The following ST6GALNAC3 variants were observed in gnomAD, a reference collection of about 807,000 sequenced individuals.
The protein encoded by ST6GALNAC3 is ST6 N-acetylgalactosaminide alpha-2,6-sialyltransferase 3.
A neutral mutation model predicts 32.7 loss-of-function variants in ST6GALNAC3; 25 were observed. The ratio of observed to expected loss-of-function variants is 0.76; its 90% CI spans 0.56 to 1.07. The LOEUF (loss-of-function observed/expected upper bound fraction) is 1.07, where lower values mean the gene tolerates loss of function less well. Ranked by LOEUF, ST6GALNAC3 falls within the 50% of genes least tolerant of loss-of-function variation. The pLI is 0.00. For synonymous variants in ST6GALNAC3, 129 were observed against 133.1 expected (o/e 0.97, Z 0.21); for missense variants, 355 against 382.4 (o/e 0.93, Z 0.60).
At chr1:76,518,380 TGAG>T (rs1662301586) in intron 3 of ST6GALNAC3, among the ~76,000 whole-genome samples, 1 of 152,124 alleles carries the variant, frequency 6.6e-6, no homozygotes, top group African/African-American at 2.4e-5. Context: ...CTATTTTTAA[TGAG>T]GAGTTTTACT....
At position 76,416,310 on chromosome 1, in the gene ST6GALNAC3, A is replaced by G. The variant is rs183754716; in HGVS notation, c.623+3893A>G. Among the ~76,000 whole-genome samples the G allele has an allele frequency of 1.2e-4, 19 of 152,236 alleles. 1 individual carries two copies. The highest frequency in any genetic ancestry group is 2.5e-4 in the Non-Finnish European group (17 of 67,998). On this transcript the variant is annotated intron_variant, in intron 3 of 4. Coordinates refer to ENST00000328299, the MANE Select transcript of ST6GALNAC3 (RefSeq NM_152996.4). The stretch of plus-strand genomic sequence containing the variant: ...AGGAAATAGAGAATAAGGGGTGTCC[A>G]TTTAATTTTGCTTTAACTGTAAAGC...
Position 76,539,588 on chromosome 1 carries a change from C to G in ST6GALNAC3, c.624-87864C>G, listed in dbSNP as rs188881136. On this transcript the variant is annotated intron_variant, in intron 3 of 4. Transcript: ENST00000328299. ...GTCAGCGTGAACAGGCAACCTGCAC[C>G]ATGGGAGAAAATTTTTGCAGTCTAC... Among the ~76,000 whole-genome samples the G allele has an allele frequency of 4.9e-4, 75 of 151,908 alleles. No individual in the cohort carries two copies. In the Middle Eastern group the frequency reaches 0.014, roughly 28 times the overall value.
At chr1:76,338,220 T>C (rs1009785694) in intron 2 of ST6GALNAC3, among the ~76,000 whole-genome samples, 2 of 152,228 alleles carry the variant, frequency 1.3e-5, no homozygotes, top group African/African-American at 4.8e-5. Flanking sequence ...AGGAGGTTTT[T>C]GCTGATAAAT....
intron 3 of ST6GALNAC3, among the ~76,000 whole-genome samples, chr1:76,621,507 G>C (rs1356860758): frequency 6.6e-6 from 1 of 152,048 alleles, no homozygotes; most frequent in East Asian, 1.9e-4. Flanking sequence ...TTGATAGATA[G>C]TACAAATAAA....
chr1:76,573,346 C>T (rs919959210), intron 3 of ST6GALNAC3, among the ~76,000 whole-genome samples: 1 of 152,126 alleles, frequency 6.6e-6, no homozygotes, highest in African/African-American at 2.4e-5. Context: ...CCTCCTTCCA[C>T]GTAACAAATC....
chr1:76,371,201 A>G (rs1324879734), intron 2 of ST6GALNAC3, among the ~76,000 whole-genome samples: 1 of 152,222 alleles, frequency 6.6e-6, no homozygotes. Context: ...GCCAAAAAGG[A>G]TCTAAGATGA....
At chr1:76,593,775 C>T (rs753006948) in intron 3 of ST6GALNAC3, among the ~76,000 whole-genome samples, 8 of 152,136 alleles carry the variant, frequency 5.3e-5, no homozygotes, top group Non-Finnish European at 1.0e-4. Flanking sequence ...CCAGTCTCTG[C>T]TTTCAAAGCA....
chr1:76,174,439 T>G lies in ST6GALNAC3; in HGVS notation c.18+99555T>G, dbSNP rs796484388. Among the ~76,000 whole-genome samples, 5 of 152,072 alleles carry G rather than the reference T, an allele frequency of 3.3e-5. No homozygotes were observed. In the East Asian group the frequency reaches 7.7e-4, roughly 23 times the overall value. ...TGCACATGTATCTCATTGTTTTTTTTTTTTAGAAGAAATAAAAAAATTTCA... is the reference window on the plus strand; with the variant it reads ...TGCACATGTATCTCATTGTTTTTTTGTTTTAGAAGAAATAAAAAAATTTCA... On this transcript the variant is annotated intron_variant, in intron 1 of 4. Coordinates refer to ENST00000328299, the MANE Select transcript of ST6GALNAC3 (RefSeq NM_152996.4).
chr1:76,409,235 C>T (rs1468366729), intron 2 of ST6GALNAC3, among the ~76,000 whole-genome samples: 1 of 152,034 alleles, frequency 6.6e-6, no homozygotes, highest in Non-Finnish European at 1.5e-5. Flanking sequence ...GGTGCCTGGA[C>T]CACCTGCTAC....
chr1:76,118,155 A>G (rs12407026), intron 1 of ST6GALNAC3, among the ~76,000 whole-genome samples: 32,311 of 151,844 alleles, frequency 0.21, 4,434 homozygotes, highest in African/African-American at 0.38. Flanking sequence ...CGACTCCCTG[A>G]CGGGCCCCGG....
At chr1:76,438,531 G>A (rs1656329003) in intron 3 of ST6GALNAC3, among the ~76,000 whole-genome samples, 1 of 152,162 alleles carries the variant, frequency 6.6e-6, no homozygotes, top group African/African-American at 2.4e-5. Context: ...TGTAGGTTCT[G>A]CCTTTCTTAT....
chr1:76,175,202 T>C (rs1427886053), intron 1 of ST6GALNAC3, among the ~76,000 whole-genome samples: 5 of 152,056 alleles, frequency 3.3e-5, no homozygotes, highest in African/African-American at 1.2e-4. Flanking sequence ...AAAAAAAAAA[T>C]GTTAAAGACT....
At chr1:76,521,535 T>C (rs993721934) in intron 3 of ST6GALNAC3, among the ~76,000 whole-genome samples, 6 of 152,232 alleles carry the variant, frequency 3.9e-5, no homozygotes, top group Middle Eastern at 3.4e-3. Context: ...TCACTTATGT[T>C]TACCCAAGTA....
intron 1 of ST6GALNAC3, among the ~76,000 whole-genome samples, chr1:76,261,471 G>C (rs1658230975): frequency 6.6e-6 from 1 of 152,214 alleles, no homozygotes; most frequent in African/African-American, 2.4e-5. Context: ...TGAGCTCCTA[G>C]GTGAGAGAGC....
intron 2 of ST6GALNAC3, among the ~76,000 whole-genome samples, chr1:76,322,863 T>C (rs1215174547): frequency 6.6e-6 from 1 of 151,358 alleles, no homozygotes; most frequent in African/African-American, 2.4e-5. Flanking sequence ...TTTATTGACA[T>C]GGAGTCTCGC....
intron 3 of ST6GALNAC3, among the ~76,000 whole-genome samples, chr1:76,488,035 A>G (rs1231217692): frequency 1.3e-5 from 2 of 152,174 alleles, no homozygotes; most frequent in Non-Finnish European, 2.9e-5. Context: ...AGGCTGCAGA[A>G]CAGAGAAGAA....
chr1:76,433,521 G>T (rs912189217), intron 3 of ST6GALNAC3, among the ~76,000 whole-genome samples: 4 of 152,146 alleles, frequency 2.6e-5, no homozygotes, highest in Non-Finnish European at 5.9e-5. Flanking sequence ...GCAATGAAAC[G>T]ATTTCTATTT....
intron 2 of ST6GALNAC3, among the ~76,000 whole-genome samples, chr1:76,371,021 T>A (rs1650772466): frequency 6.6e-6 from 1 of 152,178 alleles, no homozygotes; most frequent in Non-Finnish European, 1.5e-5. Context: ...CCTCACACTT[T>A]AGAATGTAAA....
At chr1:76,262,136 A>T (rs1156487957) in intron 1 of ST6GALNAC3, among the ~76,000 whole-genome samples, 3 of 152,202 alleles carry the variant, frequency 2.0e-5, no homozygotes, top group Non-Finnish European at 2.9e-5. Flanking sequence ...TTGAGCACTT[A>T]CTGTGTCCCA....
Sources: gnomAD v4.1 joint callset for allele counts (sites outside exome capture counted in the v4.1 genomes callset) on GRCh38, gnomAD v4.1.1 for gene constraint, MANE v1.5 for transcripts, NCBI Gene and HGNC (gene_info 2026-07-23, HGNC 2026-07-21) for gene names.